MAP2K6: variants seen among roughly 807,000 people sequenced by gnomAD.
MAP2K6 encodes dual specificity mitogen-activated protein kinase kinase 6.
MAP2K6 carries 16 observed loss-of-function variants against 53.7 expected under a neutral mutation model. That is an observed-to-expected ratio of 0.30 (90% CI 0.20 to 0.45). The LOEUF (loss-of-function observed/expected upper bound fraction) is 0.45, where lower values mean the gene tolerates loss of function less well. Among genes scored for constraint, MAP2K6 ranks in the 20% least tolerant of loss-of-function variants. The pLI, the probability that MAP2K6 is intolerant of heterozygous loss-of-function variation, is 1.00. For missense variants in MAP2K6, 204 were observed against 411.9 expected (o/e 0.50, Z 4.37); for synonymous variants, 132 against 143.1 (o/e 0.92, Z 0.55).
chr17:69,415,641 G>A (rs1003245112), intron 1 of MAP2K6, among the ~76,000 whole-genome samples: 1 of 152,128 alleles, frequency 6.6e-6, no homozygotes, highest in Non-Finnish European at 1.5e-5. Context: ...TTATTGGCTC[G>A]CAAAATTTAG....
intron 1 of MAP2K6, chr17:69,477,228 CG>C (rs1199506746): frequency 6.6e-6 from 1 of 152,250 alleles, no homozygotes; most frequent in Non-Finnish European, 1.5e-5. Flanking sequence ...GCCAGTACAG[CG>C]GCCATGCTAG....
At chr17:69,515,594 A>C (rs548540005) in intron 2 of MAP2K6, among the ~76,000 whole-genome samples, 1 of 152,344 alleles carries the variant, frequency 6.6e-6, no homozygotes, top group African/African-American at 2.4e-5. Flanking sequence ...AGATCATTGA[A>C]GTGGTAGAAA....
intron 11 of MAP2K6, 38 bp downstream of exon 11, chr17:69,536,198 T>C (rs1380986975): frequency 1.3e-6 from 2 of 1,545,718 alleles, no homozygotes; most frequent in African/African-American, 1.4e-5. Flanking sequence ...ACTATACTGA[T>C]AGCTACAAAA....
intron 1 of MAP2K6, among the ~76,000 whole-genome samples, chr17:69,455,427 T>G (rs1907371142): frequency 6.6e-6 from 1 of 152,176 alleles, no homozygotes; most frequent in Non-Finnish European, 1.5e-5. Flanking sequence ...TGATGTAATA[T>G]GACAACCTCG....
chr17:69,517,343 A>G (rs1910202042), intron 3 of MAP2K6, among the ~76,000 whole-genome samples, 157 bp from the exon 4 acceptor site: 1 of 152,112 alleles, frequency 6.6e-6, no homozygotes, highest in African/African-American at 2.4e-5. Flanking sequence ...CCCTTCTTGT[A>G]GCTTCTTGCT....
chr17:69,481,838 G>T (rs1483178196), intron 1 of MAP2K6, among the ~76,000 whole-genome samples: 1 of 152,152 alleles, frequency 6.6e-6, no homozygotes, highest in African/African-American at 2.4e-5. Context: ...AGTACTGGGA[G>T]TTAAGATTTC....
At chr17:69,482,805 G>C (rs894806578) in intron 1 of MAP2K6, among the ~76,000 whole-genome samples, 1 of 152,000 alleles carries the variant, frequency 6.6e-6, no homozygotes, top group Non-Finnish European at 1.5e-5. Flanking sequence ...ATTCCTAGTG[G>C]TAGAATTGCT....
intron 1 of MAP2K6, among the ~76,000 whole-genome samples, chr17:69,476,882 C>A (rs1908169507): frequency 6.6e-6 from 1 of 152,198 alleles, no homozygotes; most frequent in Non-Finnish European, 1.5e-5. Context: ...ACCGAGCCCA[C>A]ATACAGCCTT....
intron 1 of MAP2K6, among the ~76,000 whole-genome samples, chr17:69,491,052 G>T (rs765442656): frequency 1.3e-5 from 2 of 151,872 alleles, no homozygotes; most frequent in African/African-American, 2.4e-5. Flanking sequence ...ATGTGATCTC[G>T]TTCTTTTTTT....
intron 1 of MAP2K6, among the ~76,000 whole-genome samples, chr17:69,419,476 G>A (rs1906007985): frequency 6.6e-6 from 1 of 151,768 alleles, no homozygotes; most frequent in Non-Finnish European, 1.5e-5. Context: ...CTTCATCCTG[G>A]GTATAACAAT....
At chr17:69,436,134 G>A (rs749183066) in intron 1 of MAP2K6, among the ~76,000 whole-genome samples, 2 of 151,980 alleles carry the variant, frequency 1.3e-5, no homozygotes, top group Non-Finnish European at 2.9e-5. Context: ...TTTAGCTTTG[G>A]AAAGATAACA....
rs766732331 is a variant in MAP2K6 at position 69,520,403 on chromosome 17, C to T, written c.483+17C>T. The T allele has an allele frequency of 1.4e-6, 2 of 1,423,042 alleles. No individual in the cohort carries two copies. The highest frequency in any genetic ancestry group is 1.4e-5 in the African/African-American group (1 of 70,588). 88.2% of individuals were successfully genotyped at this position (1,423,042 alleles called of 1,614,324 possible). Reference sequence around the variant, plus strand: ...GCAGTTTCTGTGAGTACATTTTGATCCCTACTGCAAGGATAATGTGAGAAA... The same window carrying T: ...GCAGTTTCTGTGAGTACATTTTGATTCCTACTGCAAGGATAATGTGAGAAA... On this transcript the variant is annotated intron_variant, in intron 6 of 11. Coordinates refer to ENST00000590474, the MANE Select transcript of MAP2K6 (RefSeq NM_002758.4).
chr17:69,482,597 C>G (rs1908386093), intron 1 of MAP2K6, among the ~76,000 whole-genome samples: 1 of 151,648 alleles, frequency 6.6e-6, no homozygotes. Context: ...GGAGATCGTA[C>G]CACATCAATA....
chr17:69,480,994 TAA>T (rs1908332763), intron 1 of MAP2K6, among the ~76,000 whole-genome samples: 2 of 152,162 alleles, frequency 1.3e-5, no homozygotes, highest in Non-Finnish European at 2.9e-5. Context: ...TAAATTGTGG[TAA>T]AACACAACAA....
intron 1 of MAP2K6, among the ~76,000 whole-genome samples, chr17:69,419,925 A>AAAAT (rs1906024343): frequency 2.6e-5 from 4 of 151,902 alleles, no homozygotes; most frequent in Admixed American, 6.6e-5. Flanking sequence ...AAAAAAAAAA[A>AAAAT]AAATTAATTA....
At chr17:69,502,757 G>T in intron 1 of MAP2K6, 1 of 947,612 alleles carries the variant, frequency 1.1e-6, no homozygotes, top group Non-Finnish European at 1.3e-6. Flanking sequence ...GAGAATCAAA[G>T]GCCTTCTCCT....
At chr17:69,437,317 T>C (rs1598261395) in intron 1 of MAP2K6, among the ~76,000 whole-genome samples, 1 of 152,306 alleles carries the variant, frequency 6.6e-6, no homozygotes, top group African/African-American at 2.4e-5. Flanking sequence ...AGAGAAAATA[T>C]ATTTACTAAG....
intron 2 of MAP2K6, among the ~76,000 whole-genome samples, chr17:69,511,613 G>C (rs528767109): frequency 1.9e-4 from 29 of 152,322 alleles, no homozygotes; most frequent in African/African-American, 6.3e-4. Flanking sequence ...CAGAGGCAGT[G>C]TTTGTTACTC....
At chr17:69,505,937 G>C in intron 2 of MAP2K6, 91 bp downstream of exon 2, 1 of 1,055,024 alleles carries the variant, frequency 9.5e-7, no homozygotes, top group Non-Finnish European at 1.4e-6. Context: ...GCAATGCCTT[G>C]ACTTTAGAAG....
Sources: allele counts gnomAD v4.1 joint callset (sites outside exome capture counted in the v4.1 genomes callset), GRCh38; gene constraint gnomAD v4.1.1; transcripts MANE v1.5; gene names NCBI Gene and HGNC (gene_info 2026-07-23, HGNC 2026-07-21).